SLC6A2: variants seen among roughly 807,000 people sequenced by gnomAD.
SLC6A2 encodes sodium-dependent noradrenaline transporter.
In SLC6A2, 26 loss-of-function variants were observed where a neutral mutation model predicts 71.7. The observed-to-expected ratio is 0.36, with a 90% CI of 0.27 to 0.50. The LOEUF (loss-of-function observed/expected upper bound fraction) is 0.50. Ranked by LOEUF, SLC6A2 falls within the 20% of genes least tolerant of loss-of-function variation. SLC6A2 has a pLI of 0.96. For synonymous variants in SLC6A2, 363 were observed against 337.9 expected (o/e 1.07, Z -0.82); for missense variants, 581 against 803.9 (o/e 0.72, Z 3.35).
intron 13 of SLC6A2, among the ~76,000 whole-genome samples, chr16:55,701,087 G>A (rs1965959338): frequency 6.6e-6 from 1 of 152,112 alleles, no homozygotes; most frequent in Admixed American, 6.5e-5. Flanking sequence ...TATATGCTGG[G>A]TAGTATTCGA....
intron 4 of SLC6A2, among the ~76,000 whole-genome samples, chr16:55,682,784 G>A (rs1364771604): frequency 6.6e-6 from 1 of 152,214 alleles, no homozygotes; most frequent in Non-Finnish European, 1.5e-5. Flanking sequence ...TGGGCAATGT[G>A]CAGCTGACTG....
chr16:55,676,279 T>G (rs960404134), intron 4 of SLC6A2, among the ~76,000 whole-genome samples: 1 of 152,198 alleles, frequency 6.6e-6, no homozygotes, highest in African/African-American at 2.4e-5. Flanking sequence ...CACCATCACA[T>G]TAATAGCTAA....
Position 55,672,078 on chromosome 16 carries a change from C to T in SLC6A2, c.547C>T (p.Pro183Ser). Residue 183 changes from proline to serine, a missense_variant, in exon 4 of 15, where the codon CCC becomes TCC. Physicochemically the swap from Pro to Ser is moderately conservative, Grantham distance 74. Coordinates refer to ENST00000568943, the MANE Select transcript of SLC6A2 (RefSeq NM_001172501.3). ...CGACTGTGGCCACACCTGGAACAGC[C>T]CCAACTGTACCGACCCCAAGCTCCT... ...WTDCGHTWNS[P>S]NCTDPKLLNG... 1 of 1,614,196 alleles carries T rather than the reference C, an allele frequency of 6.2e-7. No homozygotes were observed. The highest frequency in any genetic ancestry group is 8.5e-7 in the Non-Finnish European group (1 of 1,180,030).
intron 4 of SLC6A2, 27 bp from the exon 5 acceptor site, chr16:55,685,116 T>C (rs1425681700): frequency 1.2e-6 from 2 of 1,613,734 alleles, no homozygotes; most frequent in South Asian, 1.1e-5. Context: ...ACATTTACCC[T>C]GGTCCCCTCC....
chr16:55,662,170 A>T (rs557809211), intron 2 of SLC6A2, among the ~76,000 whole-genome samples: 7 of 152,296 alleles, frequency 4.6e-5, no homozygotes, highest in Admixed American at 3.9e-4. Context: ...TGTCAAAAGG[A>T]TCTGAAAGGG....
chr16:55,705,346 A>T lies in SLC6A2; in HGVS notation c.*3000A>T, dbSNP rs2142653136. On this transcript the variant is annotated 3_prime_UTR_variant, in exon 15 of 15. Transcript: ENST00000568943. ...GCTGGGAGCCAGTTCCTGCTATATG[A>T]TCTGTTTTCTAGCCTCGCTAATGTG... 1.9e-6 allele frequency: 2 copies of T among 1,039,760 alleles called. No individual in the cohort carries two copies. Among genetic ancestry groups the T allele is most frequent in the East Asian group, 2.6e-5 (1 of 38,380 alleles). 64.4% of individuals were successfully genotyped at this position (1,039,760 alleles called of 1,614,324 possible).
At chr16:55,678,778 A>G (rs1054980078) in intron 4 of SLC6A2, among the ~76,000 whole-genome samples, 10 of 152,078 alleles carry the variant, frequency 6.6e-5, no homozygotes, top group Non-Finnish European at 1.3e-4. Context: ...AAGCCTGGAC[A>G]GTACACTTAA....
Position 55,685,132 on chromosome 16 carries a change from C to T in SLC6A2, c.645-11C>T, listed in dbSNP as rs774030543. ...CATTTACCCTGGTCCCCTCCCCTCT[C>T]CTCTGGGCAGGCGTGGTGTCCTGCA... is the stretch of plus-strand genomic sequence containing the variant. On this transcript the variant is annotated splice_polypyrimidine_tract_variant and intron_variant, in intron 4 of 14. Coordinates refer to ENST00000568943, the MANE Select transcript of SLC6A2 (RefSeq NM_001172501.3). The T allele has an allele frequency of 1.2e-5, 19 of 1,614,030 alleles. No homozygotes were observed. Among genetic ancestry groups the T allele is most frequent in the East Asian group, 8.9e-5 (4 of 44,886 alleles).
intron 4 of SLC6A2, among the ~76,000 whole-genome samples, chr16:55,675,760 G>A (rs555546331): frequency 1.3e-5 from 2 of 148,724 alleles, no homozygotes; most frequent in African/African-American, 5.0e-5. Flanking sequence ...TACTGTATTG[G>A]GCAGTGCAAA....
At chr16:55,679,839 G>C (rs1234645658) in intron 4 of SLC6A2, among the ~76,000 whole-genome samples, 3 of 152,132 alleles carry the variant, frequency 2.0e-5, no homozygotes, top group Non-Finnish European at 4.4e-5. Context: ...ACTGTGGAAG[G>C]CCTCAGATTC....
At position 55,656,559 on chromosome 16, in the gene SLC6A2, G is replaced by A. The variant is rs1202491963; in HGVS notation, c.-51-85G>A. The A allele has an allele frequency of 9.8e-6, 11 of 1,126,540 alleles. No homozygotes were observed. The highest frequency in any genetic ancestry group is 3.4e-5 in the Admixed American group (2 of 58,772). 69.8% of individuals were successfully genotyped at this position (1,126,540 alleles called of 1,614,324 possible). A position where few individuals can be genotyped will look rare whatever the true frequency, so the allele number is the denominator to read the frequency against. ...CCGCTCAGCGCGCGCTCATCCCAGT[G>A]TCTAAGGCGCTCCCGGGTGGTCTTG... is the stretch of plus-strand genomic sequence containing the variant. On this transcript the variant is annotated intron_variant, in intron 1 of 14. Transcript: ENST00000568943. This position sits in a 1 kb window ranked among gnomAD's most constrained non-coding sequence, Gnocchi z 4.5.
intron 2 of SLC6A2, among the ~76,000 whole-genome samples, chr16:55,657,718 G>C (rs1223474995): frequency 2.0e-5 from 3 of 152,146 alleles, no homozygotes; most frequent in Non-Finnish European, 4.4e-5. Context: ...GGGGCCTGAA[G>C]AAGACTCCAG....
Position 55,703,561 on chromosome 16 carries a change from T to A in SLC6A2, c.*1215T>A, listed in dbSNP as rs1966036679. 1 of 985,484 alleles carries A rather than the reference T, an allele frequency of 1.0e-6. No homozygotes were observed. The highest frequency in any genetic ancestry group is 1.2e-6 in the Non-Finnish European group (1 of 829,952). 61.0% of individuals were successfully genotyped at this position (985,484 alleles called of 1,614,324 possible). On this transcript the variant is annotated 3_prime_UTR_variant, in exon 15 of 15. Transcript: ENST00000568943. ...GAGAATTTCTAGGTTTCTACTTGGATCTACTTCTGATACAAACTTGCACTT... is the reference window on the plus strand; with the variant it reads ...GAGAATTTCTAGGTTTCTACTTGGAACTACTTCTGATACAAACTTGCACTT...
chr16:55,659,210 CTT>C (rs1964543974), intron 2 of SLC6A2, among the ~76,000 whole-genome samples: 1 of 152,130 alleles, frequency 6.6e-6, no homozygotes, highest in African/African-American at 2.4e-5. Context: ...TCACCCGAGT[CTT>C]TATTGTCATG....
At chr16:55,678,902 C>G (rs540639777) in intron 4 of SLC6A2, among the ~76,000 whole-genome samples, 1 of 152,290 alleles carries the variant, frequency 6.6e-6, no homozygotes, top group Non-Finnish European at 1.5e-5. Context: ...CATTGATTTT[C>G]TTGGGTGTAA....
chr16:55,686,722 G>A (rs1474757755), intron 5 of SLC6A2, among the ~76,000 whole-genome samples: 2 of 152,190 alleles, frequency 1.3e-5, no homozygotes, highest in African/African-American at 2.4e-5. Context: ...GAACTGGAGA[G>A]AGAACTTCCT....
intron 4 of SLC6A2, among the ~76,000 whole-genome samples, chr16:55,673,964 C>T (rs371456149): frequency 5.9e-5 from 9 of 152,146 alleles, no homozygotes; most frequent in African/African-American, 1.9e-4. Flanking sequence ...AGTATGGGCT[C>T]CTGGATATTT....
chr16:55,699,999 C>T, intron 12 of SLC6A2, 140 bp from the exon 13 acceptor site: 1 of 749,976 alleles, frequency 1.3e-6, no homozygotes, highest in Non-Finnish European at 2.3e-6. Context: ...CTTTTCCACT[C>T]CTTCCTTATT....
At chr16:55,669,904 C>T (rs1239791769) in intron 3 of SLC6A2, among the ~76,000 whole-genome samples, 1 of 152,152 alleles carries the variant, frequency 6.6e-6, no homozygotes, top group East Asian at 1.9e-4. Flanking sequence ...ATTCTGGAAA[C>T]CTGGGTTCTA....
Sources: allele counts gnomAD v4.1 joint callset (sites outside exome capture counted in the v4.1 genomes callset), GRCh38; gene constraint gnomAD v4.1.1; non-coding constraint Gnocchi (gnomAD v3.1); transcripts MANE v1.5; gene names NCBI Gene and HGNC (gene_info 2026-07-23, HGNC 2026-07-21).